AK9: variants seen among roughly 807,000 people sequenced by gnomAD.
AK9 encodes the protein adenylate kinase domain containing 1.
AK9 carries 191 observed loss-of-function variants against 239.6 expected under a neutral mutation model. The ratio of observed to expected loss-of-function variants is 0.80; its 90% CI spans 0.71 to 0.90. The LOEUF (loss-of-function observed/expected upper bound fraction) is 0.90. Among genes scored for constraint, AK9 ranks in the 40% least tolerant of loss-of-function variants. The pLI, the probability that AK9 is intolerant of heterozygous loss-of-function variation, is 0.00. For missense variants in AK9, 1,995 were observed against 2,214.7 expected (o/e 0.90, Z 1.99); for synonymous variants, 689 against 721.0 (o/e 0.96, Z 0.71).
At chr6:109,608,302 C>T (rs1385069370) in intron 17 of AK9, among the ~76,000 whole-genome samples, 1 of 143,070 alleles carries the variant, frequency 7.0e-6, no homozygotes, top group Non-Finnish European at 1.5e-5. Flanking sequence ...AAAAAAACTA[C>T]AGTCGTTAAG....
chr6:109,626,799 C>A lies in AK9; in HGVS notation c.1254+6124G>T, dbSNP rs547049952. Among the ~76,000 whole-genome samples the A allele has an allele frequency of 9.2e-5, 14 of 152,246 alleles. No individual in the cohort carries two copies. The South Asian group carries it at 2.7e-3, about 29-fold the overall frequency. On this transcript the variant is annotated intron_variant, in intron 12 of 40. Coordinates refer to ENST00000424296, the MANE Select transcript of AK9 (RefSeq NM_001145128.3). Reference sequence around the variant, plus strand: ...ATGCTACAGCTGTATAGGGAACTTACCATGAATGAAACTTGCAAGTCTAGA... The same window carrying A: ...ATGCTACAGCTGTATAGGGAACTTAACATGAATGAAACTTGCAAGTCTAGA...
intron 10 of AK9, among the ~76,000 whole-genome samples, chr6:109,639,918 TTTC>T (rs533146921): frequency 2.5e-4 from 38 of 152,316 alleles, no homozygotes; most frequent in African/African-American, 9.1e-4. Context: ...CCTTTCCCCA[TTTC>T]TTGTTTTGGT....
Position 109,516,474 on chromosome 6 carries a change from C to T in AK9, c.3802G>A (p.Gly1268Arg), listed in dbSNP as rs1779286466. The change falls in exon 30 of 41, where the codon GGA (glycine) becomes AGA (arginine). Residue 1268 changes from glycine to arginine, a missense_variant. By Grantham distance (125) the Gly-to-Arg change is moderately radical. Around this residue, in one of 5 missense-constraint regions of AK9, gnomAD observed 1,290 missense variants for 1,392.7 expected, o/e 0.93. Coordinates refer to ENST00000424296, the MANE Select transcript of AK9 (RefSeq NM_001145128.3). ...TGTGTATCTGCTTCAAATTTTTCTC[C>T]TAGTTCACCTCTCAGGCGCTCAATT... The part of the protein sequence containing the change: ...DAIERLRGEL[G>R]EKFEADTHNL... 1.4e-5 allele frequency: 22 copies of T among 1,551,590 alleles called. No individual in the cohort carries two copies. Among genetic ancestry groups the T allele is most frequent in the Non-Finnish European group, 1.9e-5 (22 of 1,146,942 alleles).
intron 8 of AK9, among the ~76,000 whole-genome samples, chr6:109,649,231 G>A (rs1395682949): frequency 1.3e-5 from 2 of 152,010 alleles, no homozygotes; most frequent in African/African-American, 4.8e-5. Context: ...AGTGTTGGAA[G>A]TTCTGGCCAG....
intron 29 of AK9, 131 bp from the exon 30 acceptor site, chr6:109,516,773 A>C: frequency 2.6e-6 from 2 of 769,548 alleles, no homozygotes; most frequent in Non-Finnish European, 4.1e-6. Context: ...TCATCTAGTA[A>C]CGCAATAAGG....
chr6:109,667,713 A>C (rs541803527), intron 5 of AK9, among the ~76,000 whole-genome samples: 7 of 152,222 alleles, frequency 4.6e-5, no homozygotes, highest in East Asian at 1.9e-4. Context: ...TCATCCATGT[A>C]CCTACAAAGG....
At chr6:109,682,426 C>CAAAAAAAA (rs57215335) in intron 1 of AK9, among the ~76,000 whole-genome samples, 5,439 of 67,822 alleles carry the variant, frequency 0.08, 657 homozygotes, top group African/African-American at 0.2. Context: ...GACTCCGTCT[C>CAAAAAAAA]AAAAAAAAAA....
Position 109,619,201 on chromosome 6 carries a change from A to G in AK9, c.1290T>C (p.Phe430=). ...CTACTAATGTTTCACGGGCTTTATC[A>G]AAACGTGGCTGAACAAGTTGGGCAT... ...VDYAQLVQPR[F]DKARETLVEN... Residue 430 remains phenylalanine (F), a synonymous_variant, in exon 13 of 41, where the codon TTT becomes TTC. Coordinates refer to ENST00000424296, the MANE Select transcript of AK9 (RefSeq NM_001145128.3). The G allele has an allele frequency of 1.3e-6, 2 of 1,549,916 alleles. No individual in the cohort carries two copies. Among genetic ancestry groups the G allele is most frequent in the Non-Finnish European group, 1.7e-6 (2 of 1,146,232 alleles).
At position 109,665,879 on chromosome 6, in the gene AK9, T is replaced by C. The variant is rs894569486; in HGVS notation, c.332-3216A>G. Among the ~76,000 whole-genome samples, 14 of 152,232 alleles carry C rather than the reference T, an allele frequency of 9.2e-5. No homozygotes were observed. In the South Asian group the frequency reaches 1.2e-3, roughly 13 times the overall value. Reference sequence around the variant, plus strand: ...CAGAAAGATGCTTGGCACTGTTTGCTGTGCTTGCCAAAACCTTCCTGTTCC... The same window carrying C: ...CAGAAAGATGCTTGGCACTGTTTGCCGTGCTTGCCAAAACCTTCCTGTTCC... On this transcript the variant is annotated intron_variant, in intron 5 of 40. Transcript: ENST00000424296.
At chr6:109,594,554 A>G (rs997376670) in intron 17 of AK9, among the ~76,000 whole-genome samples, 9 of 152,206 alleles carry the variant, frequency 5.9e-5, no homozygotes, top group Non-Finnish European at 1.0e-4. Flanking sequence ...TATAGCCAAG[A>G]CAATCCTAAG....
Position 109,610,505 on chromosome 6 carries a change from C to T in AK9, c.1702G>A (p.Glu568Lys), listed in dbSNP as rs1436675504. The T allele has an allele frequency of 6.4e-7, 1 of 1,550,584 alleles. No homozygotes were observed. The highest frequency in any genetic ancestry group is 2.0e-5 in the Admixed American group (1 of 50,802). ...GCAGTTACCTCTTCTATCAAGTCTT[C>T]TGTTGGGGCTAAAGTAAAATAAGCT... is the stretch of plus-strand genomic sequence containing the variant. ...VKLYSDTAPTEDLIEEVTADH... is the reference protein window; with the variant it reads ...VKLYSDTAPTKDLIEEVTADH... The change falls in exon 17 of 41, where the codon GAA (glutamate) becomes AAA (lysine). Residue 568 changes from glutamate to lysine, a missense_variant. Physicochemically the swap from Glu to Lys is moderately conservative, Grantham distance 56. This residue lies in a region of AK9 where 1,290 missense variants were observed against 1,392.7 expected (regional missense o/e 0.93). Transcript: ENST00000424296.
intron 32 of AK9, among the ~76,000 whole-genome samples, chr6:109,512,160 T>C (rs1311188586): frequency 2.6e-5 from 4 of 152,160 alleles, no homozygotes; most frequent in Admixed American, 1.3e-4. Context: ...ATTGCAGTAA[T>C]GAAGCCTGCT....
intron 24 of AK9, among the ~76,000 whole-genome samples, chr6:109,560,121 T>A (rs1224793047): frequency 6.6e-6 from 1 of 152,248 alleles, no homozygotes; most frequent in Admixed American, 6.5e-5. Context: ...CTTTTTGCCA[T>A]ATAAGGTAAC....
At chr6:109,687,880 T>C (rs1394203471) in intron 1 of AK9, among the ~76,000 whole-genome samples, 1 of 152,190 alleles carries the variant, frequency 6.6e-6, no homozygotes, top group African/African-American at 2.4e-5. Context: ...TACATAGATA[T>C]TTGTATCTCA....
intron 26 of AK9, among the ~76,000 whole-genome samples, chr6:109,543,882 GC>G (rs1400469923): frequency 3.3e-5 from 5 of 152,094 alleles, no homozygotes; most frequent in Admixed American, 1.3e-4. Context: ...ATTTTGGGAG[GC>G]CAAGGTGAGT....
At chr6:109,523,228 C>A (rs1252447559) in intron 29 of AK9, among the ~76,000 whole-genome samples, 1 of 135,520 alleles carries the variant, frequency 7.4e-6, no homozygotes, top group Non-Finnish European at 1.7e-5. Context: ...TAAAAATCTT[C>A]ACAAAAGATC....
chr6:109,556,292 G>A (rs1001452024), intron 24 of AK9, among the ~76,000 whole-genome samples: 5 of 152,146 alleles, frequency 3.3e-5, no homozygotes, highest in African/African-American at 1.2e-4. Context: ...GGCTGGATAT[G>A]AAATTCTGGG....
chr6:109,576,992 G>T (rs928144726), intron 20 of AK9, among the ~76,000 whole-genome samples: 2 of 151,884 alleles, frequency 1.3e-5, no homozygotes, highest in South Asian at 4.2e-4. Context: ...CACCACGCCC[G>T]GCTAATTTTT....
chr6:109,676,485 A>G lies in AK9; in HGVS notation c.-11-729T>C, dbSNP rs73529391. Among the ~76,000 whole-genome samples, 1,219 of 152,194 alleles carry G rather than the reference A, an allele frequency of 8.0e-3. 25 individuals carry two copies. Among genetic ancestry groups the G allele is most frequent in the African/African-American group, 0.026 (1,080 of 41,574 alleles). On this transcript the variant is annotated intron_variant, in intron 1 of 40. Transcript: ENST00000424296. ...TTGTTTTCAAGCACTTGTAGACTACATATTTATGTTCATAAAATATTTATA... is the reference window on the plus strand; with the variant it reads ...TTGTTTTCAAGCACTTGTAGACTACGTATTTATGTTCATAAAATATTTATA...
Sources: gnomAD v4.1 joint callset for allele counts (sites outside exome capture counted in the v4.1 genomes callset) on GRCh38, gnomAD v4.1.1 for gene constraint, gnomAD v4.1.1 regional missense constraint, MANE v1.5 for transcripts, NCBI Gene and HGNC (gene_info 2026-07-23, HGNC 2026-07-21) for gene names.